The following JAM3 variants were observed in gnomAD, a reference collection of about 807,000 sequenced individuals.
JAM3 encodes junctional adhesion molecule 3.
In JAM3, 31 loss-of-function variants were observed where a neutral mutation model predicts 39.4. The ratio of observed to expected loss-of-function variants is 0.79; its 90% CI spans 0.59 to 1.06. The LOEUF (loss-of-function observed/expected upper bound fraction) is 1.06. Among genes scored for constraint, JAM3 ranks in the 50% least tolerant of loss-of-function variants. The probability of loss-of-function intolerance (pLI) is 0.00; values close to 1 mark genes in which losing one functional copy is unlikely to be tolerated. For synonymous variants in JAM3, 182 were observed against 148.7 expected (o/e 1.22, Z -1.63); for missense variants, 455 against 391.4 (o/e 1.16, Z -1.37).
At chr11:134,148,720 T>C in intron 7 of JAM3, 44 bp downstream of exon 7, 1 of 1,614,060 alleles carries the variant, frequency 6.2e-7, no homozygotes, top group Middle Eastern at 1.6e-4. Context: ...AAGCTGGCAA[T>C]AATATAACAA....
intron 1 of JAM3, among the ~76,000 whole-genome samples, chr11:134,082,360 T>C (rs1225598033): frequency 6.6e-6 from 1 of 152,164 alleles, no homozygotes; most frequent in Non-Finnish European, 1.5e-5. Flanking sequence ...GGTTTTGAAA[T>C]GTGAGGACAT....
chr11:134,106,373 A>C, intron 1 of JAM3, among the ~76,000 whole-genome samples: 1 of 151,032 alleles, frequency 6.6e-6, no homozygotes, highest in African/African-American at 2.4e-5. Context: ...CTTAAATGTT[A>C]GACCTAAAAC....
rs148536160 is a variant in JAM3 at position 134,083,211 on chromosome 11, A to G, written c.76+14052A>G. On this transcript the variant is annotated intron_variant, in intron 1 of 8. Transcript: ENST00000299106. ...TGTGCAGACTTAAGGCATATGAAAA[A>G]TAGGACAAAATGCTGAGATGAATTG... Among the ~76,000 whole-genome samples the G allele has an allele frequency of 3.3e-5, 5 of 152,362 alleles. No individual in the cohort carries two copies. The East Asian group carries it at 7.7e-4, about 23-fold the overall frequency.
intron 1 of JAM3, among the ~76,000 whole-genome samples, chr11:134,135,826 T>C (rs559206770): frequency 1.8e-4 from 27 of 152,208 alleles, no homozygotes; most frequent in South Asian, 4.2e-4. Context: ...TCTAGCACTT[T>C]GGGGGGCCGA....
intron 1 of JAM3, among the ~76,000 whole-genome samples, chr11:134,123,225 GTTTA>G (rs1008814126): frequency 1.4e-4 from 20 of 142,160 alleles, no homozygotes; most frequent in South Asian, 4.3e-4. Context: ...TTATTTGTTT[GTTTA>G]TTTATTTAAA....
chr11:134,069,093 A>G lies in JAM3; in HGVS notation c.10A>G (p.Arg4Gly), dbSNP rs1316944264. MAL[R>G]RPPRLRLCAR... is the part of the protein sequence containing the mutation. ...CTCAGCAACCCTCGACATGGCGCTG[A>G]GGCGGCCACCGCGACTCCGGCTCTG... is the stretch of plus-strand genomic sequence containing the variant. The change falls in exon 1 of 9, where the codon AGG becomes GGG. Residue 4 changes from arginine (R) to glycine (G), a missense_variant. By Grantham distance (125) the Arg-to-Gly change is moderately radical (BLOSUM62 -2). Coordinates refer to ENST00000299106, the MANE Select transcript of JAM3 (RefSeq NM_032801.5). The G allele has an allele frequency of 1.1e-5, 17 of 1,611,300 alleles. No individual in the cohort carries two copies. The Middle Eastern group carries it at 4.9e-4, about 47-fold the overall frequency.
In JAM3 at chr11:134,106,827, A is replaced by AT. The variant is rs563283975; in HGVS notation, c.77-33024_77-33023insT. ...GAATTGCGATCATTAAAAAGTCAGG[A>AT]AACAACAGGTGCTGGAGAGGATGTG... On this transcript the variant is annotated intron_variant, in intron 1 of 8. Transcript: ENST00000299106. Among the ~76,000 whole-genome samples the AT allele has an allele frequency of 1.1e-4, 17 of 152,340 alleles. No homozygotes were observed. The East Asian group carries it at 3.3e-3, about 29-fold the overall frequency.
At chr11:134,096,963 G>A (rs769445319) in intron 1 of JAM3, among the ~76,000 whole-genome samples, 3 of 152,104 alleles carry the variant, frequency 2.0e-5, no homozygotes, top group African/African-American at 4.8e-5. Context: ...CTAACATGTG[G>A]CACTTTGTAG....
chr11:134,106,692 A>C (rs1275432403), intron 1 of JAM3, among the ~76,000 whole-genome samples: 1 of 152,260 alleles, frequency 6.6e-6, no homozygotes, highest in Non-Finnish European at 1.5e-5. Context: ...GACACTTCTC[A>C]AAAGAAAACA....
chr11:134,109,776 T>C (rs1942275538), intron 1 of JAM3, among the ~76,000 whole-genome samples: 1 of 152,254 alleles, frequency 6.6e-6, no homozygotes, highest in African/African-American at 2.4e-5. Context: ...TAGTCAATTA[T>C]GTATTCATAT....
chr11:134,080,838 AG>A (rs1941654185), intron 1 of JAM3, among the ~76,000 whole-genome samples: 1 of 152,204 alleles, frequency 6.6e-6, no homozygotes, highest in Non-Finnish European at 1.5e-5. Context: ...AGGGCTCAGA[AG>A]AAGACAAGAA....
chr11:134,133,132 G>T (rs1942799141), intron 1 of JAM3, among the ~76,000 whole-genome samples: 1 of 152,182 alleles, frequency 6.6e-6, no homozygotes, highest in Admixed American at 6.5e-5. Context: ...AGTTCTGCAT[G>T]TTGGTTTTGT....
At chr11:134,145,451 AGTG>A (rs1943054827) in intron 5 of JAM3, 3 of 324,150 alleles carry the variant, frequency 9.3e-6, no homozygotes, top group African/African-American at 2.2e-5. Flanking sequence ...AAAATAACCC[AGTG>A]GTGGTGGTGG....
intron 1 of JAM3, among the ~76,000 whole-genome samples, chr11:134,131,743 G>A (rs1942773733): frequency 6.6e-6 from 1 of 152,084 alleles, no homozygotes; most frequent in African/African-American, 2.4e-5. Context: ...TATCAATAAA[G>A]ACATAGAAAT....
At chr11:134,138,194 T>G (rs1316584236) in intron 1 of JAM3, among the ~76,000 whole-genome samples, 1 of 126,784 alleles carries the variant, frequency 7.9e-6, no homozygotes, top group Non-Finnish European at 1.6e-5. Context: ...GTCGTGGTGC[T>G]CATACTGAGA....
intron 1 of JAM3, among the ~76,000 whole-genome samples, chr11:134,097,471 C>T (rs1942003921): frequency 6.6e-6 from 1 of 152,108 alleles, no homozygotes; most frequent in South Asian, 2.1e-4. Context: ...ATTTGATGAA[C>T]CTCTTTGGAG....
At chr11:134,136,790 AAG>A (rs1170952383) in intron 1 of JAM3, among the ~76,000 whole-genome samples, 1 of 152,236 alleles carries the variant, frequency 6.6e-6, no homozygotes. Context: ...ATAGTTGAAC[AAG>A]AGAGTGGTCA....
chr11:134,124,802 C>G (rs1340487166), intron 1 of JAM3, among the ~76,000 whole-genome samples: 2 of 152,252 alleles, frequency 1.3e-5, no homozygotes, highest in Non-Finnish European at 2.9e-5. Flanking sequence ...CATAGAACCT[C>G]TAAGCTTGTC....
chr11:134,091,516 A>AGGTG (rs1358922882), intron 1 of JAM3, among the ~76,000 whole-genome samples: 1 of 136,984 alleles, frequency 7.3e-6, no homozygotes, highest in Non-Finnish European at 1.6e-5. Context: ...ATAGATAGAT[A>AGGTG]GATGGATAGA....
Sources: gnomAD v4.1 joint callset for allele counts (sites outside exome capture counted in the v4.1 genomes callset) on GRCh38, gnomAD v4.1.1 for gene constraint, MANE v1.5 for transcripts, NCBI Gene and HGNC (gene_info 2026-07-23, HGNC 2026-07-21) for gene names.